Variants in TAFA1 observed in about 807,000 individuals in gnomAD.
The protein encoded by TAFA1 is chemokine-like protein TAFA-1.
In TAFA1, 4 loss-of-function variants were observed where a neutral mutation model predicts 18.5. The observed-to-expected ratio is 0.22, with a 90% CI of 0.11 to 0.49. The LOEUF is 0.49. Among genes scored for constraint, TAFA1 ranks in the 20% least tolerant of loss-of-function variants. TAFA1 has a pLI of 0.98. For missense variants in TAFA1, 147 were observed against 169.0 expected, an observed-to-expected ratio of 0.87 and a Z score of 0.72; for synonymous variants, 56 against 55.2, an observed-to-expected ratio of 1.01 and a Z score of -0.06.
At chr3:68,496,218 A>G (rs1443320204) in intron 3 of TAFA1, among the ~76,000 whole-genome samples, 1 of 152,164 alleles carries the variant, frequency 6.6e-6, no homozygotes, top group Admixed American at 6.6e-5. Flanking sequence ...ATATTGTGGT[A>G]GATAGTTGCC....
At chr3:68,376,529 A>T (rs1313592301) in intron 2 of TAFA1, among the ~76,000 whole-genome samples, 3 of 152,038 alleles carry the variant, frequency 2.0e-5, no homozygotes, top group Admixed American at 1.3e-4. Context: ...TTCGTACGTT[A>T]GTTTGCTAAG....
At chr3:68,139,695 C>T (rs1393158349) in intron 2 of TAFA1, among the ~76,000 whole-genome samples, 1 of 152,096 alleles carries the variant, frequency 6.6e-6, no homozygotes, top group Non-Finnish European at 1.5e-5. Context: ...TGTAATTATG[C>T]CAGCTTTAGT....
intron 2 of TAFA1, among the ~76,000 whole-genome samples, chr3:68,260,163 G>T (rs2067385409): frequency 6.6e-6 from 1 of 152,076 alleles, no homozygotes; most frequent in Admixed American, 6.6e-5. Context: ...GTTGAATTTT[G>T]TCAAAGGCCT....
At chr3:68,352,273 A>G (rs115527543) in intron 2 of TAFA1, among the ~76,000 whole-genome samples, 2,110 of 152,078 alleles carry the variant, frequency 0.014, 51 homozygotes, top group African/African-American at 0.048. Flanking sequence ...ACAAGAGAAA[A>G]CAAGCAGGTT....
intron 2 of TAFA1, among the ~76,000 whole-genome samples, chr3:68,287,092 G>A (rs544905599): frequency 1.3e-5 from 2 of 152,104 alleles, no homozygotes; most frequent in Non-Finnish European, 2.9e-5. Context: ...TATTTCCTGG[G>A]GCTCTGCATG....
chr3:68,227,557 G>A (rs2066817602), intron 2 of TAFA1, among the ~76,000 whole-genome samples: 1 of 152,176 alleles, frequency 6.6e-6, no homozygotes, highest in Admixed American at 6.5e-5. Flanking sequence ...CATGTAGCAA[G>A]TCTCCATACA....
chr3:68,277,184 T>C (rs1424676745), intron 2 of TAFA1, among the ~76,000 whole-genome samples: 1 of 152,200 alleles, frequency 6.6e-6, no homozygotes, highest in African/African-American at 2.4e-5. Context: ...CCTTTATTCA[T>C]ACCAGAATCA....
At chr3:68,107,435 T>C (rs1047443423) in intron 2 of TAFA1, among the ~76,000 whole-genome samples, 2 of 152,152 alleles carry the variant, frequency 1.3e-5, no homozygotes, top group African/African-American at 4.8e-5. Context: ...CATTTATAAA[T>C]GAAATATTAC....
intron 2 of TAFA1, among the ~76,000 whole-genome samples, chr3:68,359,587 T>A (rs1239669735): frequency 6.6e-6 from 1 of 151,746 alleles, no homozygotes; most frequent in East Asian, 1.9e-4. Flanking sequence ...AGCCAGAAAA[T>A]TCAAGGAAAT....
chr3:68,329,194 G>A (rs1185028374), intron 2 of TAFA1, among the ~76,000 whole-genome samples: 2 of 137,712 alleles, frequency 1.5e-5, no homozygotes, highest in Admixed American at 7.5e-5. Flanking sequence ...GATTACAGGT[G>A]TGCACAACCA....
intron 2 of TAFA1, among the ~76,000 whole-genome samples, chr3:68,375,622 G>C (rs2069795069): frequency 1.3e-5 from 2 of 152,036 alleles, no homozygotes; most frequent in Non-Finnish European, 1.5e-5. Context: ...TCTTTTCTTT[G>C]TTCAATTCAA....
intron 2 of TAFA1, among the ~76,000 whole-genome samples, chr3:68,224,934 A>T (rs2066778730): frequency 9.9e-6 from 1 of 100,636 alleles, no homozygotes; most frequent in Admixed American, 1.7e-4. Context: ...TTTGAGATGG[A>T]GTCTCGCTGT....
intron 3 of TAFA1, among the ~76,000 whole-genome samples, chr3:68,451,369 A>G (rs1237518066): frequency 6.6e-6 from 1 of 152,210 alleles, no homozygotes; most frequent in African/African-American, 2.4e-5. Context: ...GAGGGTAAAG[A>G]CTAGAGCATA....
chr3:68,298,592 C>T (rs1242994902), intron 2 of TAFA1, among the ~76,000 whole-genome samples: 1 of 152,154 alleles, frequency 6.6e-6, no homozygotes, highest in Non-Finnish European at 1.5e-5. Flanking sequence ...AAGGGAGAGA[C>T]CAGGTGGAGG....
At chr3:68,274,369 G>A (rs1441836758) in intron 2 of TAFA1, among the ~76,000 whole-genome samples, 1 of 152,174 alleles carries the variant, frequency 6.6e-6, no homozygotes, top group Admixed American at 6.5e-5. Flanking sequence ...TCTGTCTAGT[G>A]TTCAGAGAAA....
rs553682387 is a variant in TAFA1 at position 68,069,353 on chromosome 3, C to T, written c.118+62609C>T. Reference sequence around the variant, plus strand: ...AGAGAGAGCTTGAGCAGGGAAAGTCCCCCTTATAGAACCATCAGATTTCGT... The same window carrying T: ...AGAGAGAGCTTGAGCAGGGAAAGTCTCCCTTATAGAACCATCAGATTTCGT... On this transcript the variant is annotated intron_variant, in intron 2 of 4. Transcript: ENST00000478136. 2.6e-5 allele frequency among the ~76,000 whole-genome samples: 4 copies of T among 152,220 alleles called. No homozygotes were observed. In the South Asian group the frequency reaches 8.3e-4, roughly 32 times the overall value.
intron 3 of TAFA1, among the ~76,000 whole-genome samples, chr3:68,420,379 C>T (rs1228310437): frequency 6.6e-6 from 1 of 152,140 alleles, no homozygotes; most frequent in Non-Finnish European, 1.5e-5. Context: ...TCTCCCTCAA[C>T]CTAATTTTTC....
chr3:68,210,362 T>C (rs530404200), intron 2 of TAFA1, among the ~76,000 whole-genome samples: 1 of 152,074 alleles, frequency 6.6e-6, no homozygotes, highest in African/African-American at 2.4e-5. Flanking sequence ...ACCATGGTTA[T>C]CAGTGTGAAT....
intron 2 of TAFA1, among the ~76,000 whole-genome samples, chr3:68,308,646 C>G (rs183972157): frequency 7.0e-4 from 107 of 152,276 alleles, no homozygotes; most frequent in African/African-American, 2.6e-3. Context: ...CATCATCCTC[C>G]TCCTTTACAC....
Sources: allele counts gnomAD v4.1 joint callset (sites outside exome capture counted in the v4.1 genomes callset), GRCh38; gene constraint gnomAD v4.1.1; transcripts MANE v1.5; gene names NCBI Gene and HGNC (gene_info 2026-07-23, HGNC 2026-07-21).